Variants in SLC16A7 observed in about 807,000 individuals in gnomAD.
SLC16A7 encodes the protein solute carrier family 16 member 7, also known as monocarboxylate transporter 2.
Under a neutral mutation model 34.9 loss-of-function variants are expected in SLC16A7, and 33 were observed. The observed-to-expected ratio is 0.94, with a 90% CI of 0.72 to 1.26. The LOEUF is 1.26. Ranked by LOEUF, SLC16A7 falls within the 50% of genes most tolerant of loss-of-function variation. The pLI is 0.00. For synonymous variants in SLC16A7, 201 were observed against 206.6 expected (o/e 0.97, Z 0.23); for missense variants, 573 against 578.1 (o/e 0.99, Z 0.09).
At chr12:59,638,518 A>C (rs1403343243) in intron 1 of SLC16A7, among the ~76,000 whole-genome samples, 2 of 152,274 alleles carry the variant, frequency 1.3e-5, no homozygotes, top group Non-Finnish European at 2.9e-5. Context: ...GACAGACCTG[A>C]CTTTTAACAT....
rs147630857 is a variant in SLC16A7, at chr12:59,659,010, A to T, written c.-31+3760A>T. ...CTGTCCTGATAATTAAAATCCTAAC[A>T]TTACTTAACAGCTTTATGATGTGAC... is the stretch of plus-strand genomic sequence containing the variant. On this transcript the variant is annotated intron_variant, in intron 2 of 5. Coordinates refer to ENST00000547379, the MANE Select transcript of SLC16A7 (RefSeq NM_001270623.2). 3.2e-3 allele frequency among the ~76,000 whole-genome samples: 493 copies of T among 152,134 alleles called. 5 individuals carry two copies. The highest frequency in any genetic ancestry group is 0.012 in the African/African-American group (486 of 41,542).
In SLC16A7 at chr12:59,748,447, A is replaced by T. The variant is rs1159046312; in HGVS notation, c.218-22772A>T. On this transcript the variant is annotated intron_variant, in intron 3 of 5. Transcript: ENST00000547379. ...CATGCCTAAAACATGTGTGACACTT[A>T]TCTCTATGTGAGCGGTTCTTTCCTC... 1.2e-4 allele frequency among the ~76,000 whole-genome samples: 18 copies of T among 152,312 alleles called. No homozygotes were observed. In the East Asian group the frequency reaches 3.5e-3, roughly 29 times the overall value.
chr12:59,771,643 C>G (rs1260515861), intron 4 of SLC16A7, among the ~76,000 whole-genome samples: 1 of 151,596 alleles, frequency 6.6e-6, no homozygotes, highest in African/African-American at 2.4e-5. Context: ...TTGCTTTTTT[C>G]TCTTCAGCCA....
chr12:59,738,689 G>T (rs1877897382), intron 3 of SLC16A7, among the ~76,000 whole-genome samples: 2 of 152,138 alleles, frequency 1.3e-5, no homozygotes, highest in Non-Finnish European at 2.9e-5. Flanking sequence ...CTCAGAGAAA[G>T]AAAATGCTAA....
chr12:59,654,840 C>G (rs1868455902), intron 1 of SLC16A7, among the ~76,000 whole-genome samples: 1 of 151,736 alleles, frequency 6.6e-6, no homozygotes, highest in Non-Finnish European at 1.5e-5. Flanking sequence ...GGCACGAAAT[C>G]CTCTGCACCT....
At chr12:59,683,465 G>A (rs1171606825) in intron 2 of SLC16A7, among the ~76,000 whole-genome samples, 3 of 152,108 alleles carry the variant, frequency 2.0e-5, no homozygotes, top group Non-Finnish European at 4.4e-5. Context: ...AAAAGCACAT[G>A]AACCATGATG....
chr12:59,735,914 T>C (rs1877535430), intron 3 of SLC16A7: 8 of 1,241,566 alleles, frequency 6.4e-6, no homozygotes, highest in African/African-American at 6.2e-5. Flanking sequence ...ATATAAATTC[T>C]CTATGACTTT....
intron 3 of SLC16A7, chr12:59,768,182 T>C (rs951860914): frequency 2.9e-5 from 13 of 455,852 alleles, no homozygotes; most frequent in African/African-American, 2.4e-4. Context: ...GAAAATCTTC[T>C]GGAAAGGATT....
intron 2 of SLC16A7, among the ~76,000 whole-genome samples, chr12:59,699,372 T>A (rs943771641): frequency 6.6e-6 from 1 of 151,678 alleles, no homozygotes; most frequent in African/African-American, 2.4e-5. Flanking sequence ...TTATTAGTAA[T>A]CACAGAATGC....
intron 3 of SLC16A7, among the ~76,000 whole-genome samples, chr12:59,755,010 A>G (rs1016813910): frequency 2.6e-4 from 40 of 152,256 alleles, no homozygotes; most frequent in African/African-American, 9.6e-4. Flanking sequence ...CAAAAAACAC[A>G]TGATTATCTC....
At chr12:59,752,202 C>A (rs1387048818) in intron 3 of SLC16A7, among the ~76,000 whole-genome samples, 1 of 152,144 alleles carries the variant, frequency 6.6e-6, no homozygotes. Flanking sequence ...GAGCACCTCT[C>A]CTCCTCCAAA....
At chr12:59,719,041 C>G (rs557426549) in intron 3 of SLC16A7, among the ~76,000 whole-genome samples, 26 of 152,170 alleles carry the variant, frequency 1.7e-4, no homozygotes, top group South Asian at 4.1e-4. Flanking sequence ...TTGTAAAATC[C>G]ATTTTAATTA....
At chr12:59,728,227 C>G (rs910026698) in intron 3 of SLC16A7, among the ~76,000 whole-genome samples, 21 of 152,074 alleles carry the variant, frequency 1.4e-4, no homozygotes. Context: ...GGATTTGGGA[C>G]ATAATGGGTC....
intron 3 of SLC16A7, chr12:59,764,094 T>C (rs1881293386): frequency 6.6e-6 from 1 of 152,178 alleles, no homozygotes; most frequent in Admixed American, 6.6e-5. Flanking sequence ...TTCACCTTAA[T>C]GAGAAAGGTG....
intron 3 of SLC16A7, among the ~76,000 whole-genome samples, chr12:59,770,683 T>A (rs1882135792): frequency 6.6e-6 from 1 of 152,122 alleles, no homozygotes; most frequent in South Asian, 2.1e-4. Context: ...TATGCTAATA[T>A]GATAGGATGT....
At chr12:59,640,788 G>T (rs911214369) in intron 1 of SLC16A7, among the ~76,000 whole-genome samples, 4 of 151,774 alleles carry the variant, frequency 2.6e-5, no homozygotes, top group African/African-American at 9.7e-5. Context: ...CTCATAAAGA[G>T]TCTGATATTC....
Position 59,779,604 on chromosome 12 carries a change from T to TAAAC in SLC16A7, c.1364_1367dup (p.His456GlnfsTer7), listed in dbSNP as rs750940324. ...GAGAATCTGAACCCTTGAGCAAATC[T>TAAAC]AAACATTCGGAAGATGTTAACGTCA... On this transcript the variant is annotated frameshift_variant, in exon 6 of 6. Coordinates refer to ENST00000547379, the MANE Select transcript of SLC16A7 (RefSeq NM_001270623.2). LOFTEE classifies it high-confidence loss of function. 5 of 1,611,870 alleles carry TAAAC rather than the reference T, an allele frequency of 3.1e-6. No individual in the cohort carries two copies. The South Asian group carries it at 4.4e-5, about 14-fold the overall frequency.
In SLC16A7 at chr12:59,785,619, T is replaced by C. The variant is rs1236336585; in HGVS notation, c.*5940T>C. The stretch of plus-strand genomic sequence containing the variant: ...CATATTTAGTATGGACTTTTGTTTC[T>C]TTGGTATAGTTAGTTACACTTGTTT... On this transcript the variant is annotated 3_prime_UTR_variant, in exon 6 of 6. Coordinates refer to ENST00000547379, the MANE Select transcript of SLC16A7 (RefSeq NM_001270623.2). The C allele has an allele frequency of 6.6e-6, 1 of 152,162 alleles. No homozygotes were observed. The highest frequency in any genetic ancestry group is 1.9e-4 in the East Asian group (1 of 5,196). 9.4% of individuals were successfully genotyped at this position (152,162 alleles called of 1,614,324 possible). A position where few individuals can be genotyped will look rare whatever the true frequency, so the allele number is the denominator to read the frequency against.
intron 2 of SLC16A7, among the ~76,000 whole-genome samples, chr12:59,671,742 A>G (rs1397290108): frequency 1.4e-5 from 2 of 145,200 alleles, no homozygotes; most frequent in African/African-American, 5.1e-5. Flanking sequence ...ATATGTATAT[A>G]TGTATATATA....
Sources: gnomAD v4.1 joint callset for allele counts (sites outside exome capture counted in the v4.1 genomes callset) on GRCh38, gnomAD v4.1.1 for gene constraint, MANE v1.5 for transcripts, NCBI Gene and HGNC (gene_info 2026-07-23, HGNC 2026-07-21) for gene names.